Variants in PKP4 observed in about 807,000 individuals in gnomAD.
The protein encoded by PKP4 is plakophilin-4.
In PKP4, 90 loss-of-function variants were observed where a neutral mutation model predicts 145.1. The observed-to-expected ratio is 0.62, with a 90% CI of 0.52 to 0.74. PKP4 has a LOEUF of 0.74. PKP4 is among the 30% of genes least tolerant of loss of function. The pLI is 0.00. For missense variants in PKP4, 1,340 were observed against 1,482.7 expected (o/e 0.90, Z 1.58); for synonymous variants, 563 against 577.2 (o/e 0.98, Z 0.35).
chr2:158,613,660 T>C (rs183112105), intron 4 of PKP4, among the ~76,000 whole-genome samples: 7 of 152,214 alleles, frequency 4.6e-5, no homozygotes, highest in Non-Finnish European at 1.0e-4. Flanking sequence ...AGGAGACAGA[T>C]TGGTGGTAAA....
chr2:158,502,311 A>G (rs1216420793), intron 1 of PKP4, among the ~76,000 whole-genome samples: 1 of 152,132 alleles, frequency 6.6e-6, no homozygotes, highest in Non-Finnish European at 1.5e-5. Flanking sequence ...TAGGGTCCAT[A>G]AGAATTCTGG....
intron 1 of PKP4, among the ~76,000 whole-genome samples, chr2:158,512,478 G>A (rs1362906333): frequency 6.6e-6 from 1 of 152,230 alleles, no homozygotes; most frequent in African/African-American, 2.4e-5. Context: ...AGCCAGCTCT[G>A]TCAATTAGAG....
chr2:158,484,625 C>G (rs1237088773), intron 1 of PKP4, among the ~76,000 whole-genome samples: 2 of 152,196 alleles, frequency 1.3e-5, no homozygotes, highest in African/African-American at 4.8e-5. Flanking sequence ...GAGGGCCTTA[C>G]CTAAGAGGCC....
intron 1 of PKP4, among the ~76,000 whole-genome samples, chr2:158,488,117 A>G (rs1448973925): frequency 6.6e-6 from 1 of 152,170 alleles, no homozygotes; most frequent in Non-Finnish European, 1.5e-5. Context: ...GTTTATAACC[A>G]TTGTATGATC....
At chr2:158,457,387 T>G (rs1321894942) in intron 1 of PKP4, 169 bp downstream of exon 1, 2 of 152,032 alleles carry the variant, frequency 1.3e-5, no homozygotes, top group African/African-American at 4.8e-5. Context: ...CTGCCCCGCC[T>G]CGTGTTCCTG....
intron 2 of PKP4, among the ~76,000 whole-genome samples, chr2:158,571,956 T>A (rs1378305133): frequency 6.6e-6 from 1 of 152,214 alleles, no homozygotes; most frequent in African/African-American, 2.4e-5. Flanking sequence ...TGTGACTAGA[T>A]GTGCAGTATC....
chr2:158,535,564 C>T lies in PKP4; in HGVS notation c.132+2248C>T, dbSNP rs191007686. ...AGCTAGGACTACAGGTGTGTGCTACCGTGCCCAGCTAATTTTTAGTTTTTA... is the reference window on the plus strand; with the variant it reads ...AGCTAGGACTACAGGTGTGTGCTACTGTGCCCAGCTAATTTTTAGTTTTTA... On this transcript the variant is annotated intron_variant, in intron 2 of 21. Transcript: ENST00000389759. 2.0e-3 allele frequency among the ~76,000 whole-genome samples: 300 copies of T among 152,092 alleles called. 2 individuals carry two copies. Among genetic ancestry groups the T allele is most frequent in the African/African-American group, 6.7e-3 (280 of 41,494 alleles).
intron 3 of PKP4, among the ~76,000 whole-genome samples, chr2:158,592,098 A>G (rs994988581): frequency 3.9e-5 from 6 of 151,998 alleles, no homozygotes; most frequent in Non-Finnish European, 8.8e-5. Flanking sequence ...CTGTCTCTCC[A>G]TTATCATTAT....
intron 13 of PKP4, 102 bp downstream of exon 13, chr2:158,661,552 T>G (rs2105978173): frequency 1.3e-6 from 1 of 766,174 alleles, no homozygotes; most frequent in South Asian, 1.5e-5. Flanking sequence ...GCGGATCCTG[T>G]CCTCCTCAGG....
At chr2:158,468,786 T>TTC (rs1691076993) in intron 1 of PKP4, among the ~76,000 whole-genome samples, 2 of 147,990 alleles carry the variant, frequency 1.4e-5, no homozygotes, top group South Asian at 4.4e-4. Flanking sequence ...TTTTTTTTTT[T>TTC]TTTGAGACAG....
intron 9 of PKP4, among the ~76,000 whole-genome samples, chr2:158,639,319 GGGGTGT>G (rs1420970472): frequency 2.4e-3 from 25 of 10,496 alleles, no homozygotes; most frequent in Non-Finnish European, 0.017. Flanking sequence ...GAACGCATGA[GGGGTGT>G]GTGTGTGTGT....
At chr2:158,514,807 G>A (rs371891750) in intron 1 of PKP4, among the ~76,000 whole-genome samples, 8 of 152,158 alleles carry the variant, frequency 5.3e-5, no homozygotes, top group African/African-American at 1.9e-4. Flanking sequence ...CAGGCGTGGT[G>A]TCATACGTCT....
chr2:158,674,297 C>T (rs529067680), intron 19 of PKP4, among the ~76,000 whole-genome samples: 25 of 152,270 alleles, frequency 1.6e-4, no homozygotes, highest in Admixed American at 3.3e-4. Context: ...GACAGGGGAT[C>T]GGGGTGCCTG....
At chr2:158,635,647 G>C (rs1030775987) in intron 9 of PKP4, among the ~76,000 whole-genome samples, 11 of 152,250 alleles carry the variant, frequency 7.2e-5, no homozygotes, top group African/African-American at 2.2e-4. Context: ...AATGTGAGTT[G>C]ATTCTCTATA....
At chr2:158,520,252 T>C (rs958538149) in intron 1 of PKP4, among the ~76,000 whole-genome samples, 1 of 152,332 alleles carries the variant, frequency 6.6e-6, no homozygotes, top group South Asian at 2.1e-4. Context: ...GTGTTGACTC[T>C]GGTGTTATAT....
chr2:158,530,486 TAGA>T (rs1231511845), intron 1 of PKP4, among the ~76,000 whole-genome samples: 1 of 148,056 alleles, frequency 6.8e-6, no homozygotes, highest in African/African-American at 2.5e-5. Flanking sequence ...CTCTTTACGA[TAGA>T]AGTACTCTTT....
chr2:158,585,752 T>C (rs2048744794), intron 3 of PKP4, among the ~76,000 whole-genome samples: 1 of 152,156 alleles, frequency 6.6e-6, no homozygotes, highest in Non-Finnish European at 1.5e-5. Context: ...GTGCTTTTTA[T>C]AAAATAACTA....
chr2:158,633,697 C>T (rs1176452835), intron 8 of PKP4, among the ~76,000 whole-genome samples: 1 of 152,140 alleles, frequency 6.6e-6, no homozygotes, highest in Non-Finnish European at 1.5e-5. Flanking sequence ...GTTTTAATTA[C>T]TTACAAATTT....
chr2:158,561,071 TAATC>T (rs908633219), intron 2 of PKP4, among the ~76,000 whole-genome samples: 16 of 152,194 alleles, frequency 1.1e-4, no homozygotes, highest in African/African-American at 3.9e-4. Context: ...GGTTAAAAAA[TAATC>T]AAAGGCAGAA....
Sources: gnomAD v4.1 joint callset for allele counts (sites outside exome capture counted in the v4.1 genomes callset) on GRCh38, gnomAD v4.1.1 for gene constraint, MANE v1.5 for transcripts, NCBI Gene and HGNC (gene_info 2026-07-23, HGNC 2026-07-21) for gene names.